DIP2C: variants seen among roughly 807,000 people sequenced by gnomAD.
DIP2C encodes DIP2 acetate--CoA ligase C (putative).
A neutral mutation model predicts 192.4 loss-of-function variants in DIP2C; 33 were observed. That is an observed-to-expected ratio of 0.17 (90% confidence interval 0.13 to 0.23). The LOEUF is 0.23. Among genes scored for constraint, DIP2C ranks in the 10% least tolerant of loss-of-function variants. The probability of loss-of-function intolerance (pLI) is 1.00; values close to 1 mark genes in which losing one functional copy is unlikely to be tolerated. For missense variants in DIP2C, 1,537 were observed against 2,110.1 expected (o/e 0.73, Z 5.32); for synonymous variants, 979 against 864.1 (o/e 1.13, Z -2.33).
intron 1 of DIP2C, chr10:664,346 T>C (rs955396077): frequency 2.0e-5 from 3 of 152,232 alleles, no homozygotes; most frequent in South Asian, 2.1e-4. Context: ...TTGGGGAGAT[T>C]CACCGAAATT....
intron 29 of DIP2C, among the ~76,000 whole-genome samples, chr10:339,232 CTTTT>C (rs1032911649): frequency 5.9e-5 from 9 of 151,780 alleles, no homozygotes; most frequent in African/African-American, 1.7e-4. Flanking sequence ...GACCCAAGTG[CTTTT>C]TTTGTTTTTT....
chr10:330,524 G>A (rs991798349), intron 29 of DIP2C, among the ~76,000 whole-genome samples: 2 of 152,102 alleles, frequency 1.3e-5, no homozygotes, highest in Admixed American at 6.5e-5. Context: ...TAACGGGAAC[G>A]TTCTGTTGCC....
chr10:582,940 T>C (rs966553657), intron 1 of DIP2C, among the ~76,000 whole-genome samples: 5 of 152,368 alleles, frequency 3.3e-5, no homozygotes, highest in African/African-American at 1.2e-4. Context: ...TATATTCAAG[T>C]GTTACCTCTT....
chr10:412,338 G>C (rs929149063), intron 8 of DIP2C, among the ~76,000 whole-genome samples: 5 of 152,188 alleles, frequency 3.3e-5, no homozygotes, highest in African/African-American at 1.2e-4. Flanking sequence ...GGAATTCCCC[G>C]CATGTAGGCG....
At chr10:518,236 A>C (rs1009048193) in intron 1 of DIP2C, among the ~76,000 whole-genome samples, 50 of 152,226 alleles carry the variant, frequency 3.3e-4, no homozygotes, top group African/African-American at 1.1e-3. Context: ...GCTTCTGGCA[A>C]CACCACCTGC....
chr10:444,299 G>A (rs1589809004), intron 3 of DIP2C, among the ~76,000 whole-genome samples: 1 of 149,028 alleles, frequency 6.7e-6, no homozygotes. Flanking sequence ...AGTGTTCCTT[G>A]GCACTGTTCC....
chr10:338,672 C>G (rs923105918), intron 29 of DIP2C, among the ~76,000 whole-genome samples: 1 of 152,166 alleles, frequency 6.6e-6, no homozygotes, highest in Admixed American at 6.5e-5. Flanking sequence ...AACGCCTGGC[C>G]GCACTGATTT....
chr10:574,163 G>A (rs1244578561), intron 1 of DIP2C, among the ~76,000 whole-genome samples: 3 of 152,106 alleles, frequency 2.0e-5, no homozygotes, highest in African/African-American at 4.8e-5. Flanking sequence ...TTTTTGCATC[G>A]ATAAAGACAT....
At chr10:473,836 T>A (rs979708477) in intron 2 of DIP2C, among the ~76,000 whole-genome samples, 5 of 152,230 alleles carry the variant, frequency 3.3e-5, no homozygotes, top group African/African-American at 1.2e-4. Context: ...TGGGCTCTTA[T>A]GAGAGTTGTA....
intron 3 of DIP2C, among the ~76,000 whole-genome samples, chr10:445,522 G>C (rs532731689): frequency 1.9e-4 from 29 of 151,464 alleles, no homozygotes; most frequent in African/African-American, 6.1e-4. Flanking sequence ...CTGGGCATCT[G>C]TATACATCTG....
Position 411,288 on chromosome 10 carries a change from A to C in DIP2C, c.1058-2271T>G, listed in dbSNP as rs183197681. On this transcript the variant is annotated intron_variant, in intron 8 of 36. Coordinates refer to ENST00000280886, the MANE Select transcript of DIP2C (RefSeq NM_014974.3). ...CTCCAGAAATCCACAGAGGAGGCAG[A>C]GGAAGAGCGTACCAGAGAGCTGCTG... 1.3e-3 allele frequency among the ~76,000 whole-genome samples: 202 copies of C among 152,376 alleles called. 1 individual carries two copies. The highest frequency in any genetic ancestry group is 6.8e-3 in the Middle Eastern group (2 of 294).
At chr10:616,942 G>A (rs1453356585) in intron 1 of DIP2C, among the ~76,000 whole-genome samples, 1 of 152,162 alleles carries the variant, frequency 6.6e-6, no homozygotes, top group Non-Finnish European at 1.5e-5. Flanking sequence ...AAATTCCATG[G>A]ACCACCAACC....
At chr10:390,198 G>C (rs973414483) in intron 12 of DIP2C, 66 bp downstream of exon 12, 3 of 1,591,066 alleles carry the variant, frequency 1.9e-6, no homozygotes, top group African/African-American at 2.7e-5. Flanking sequence ...TCGTGTAACC[G>C]TCAGAAACAC....
At chr10:555,424 T>C (rs1848799444) in intron 1 of DIP2C, among the ~76,000 whole-genome samples, 1 of 152,198 alleles carries the variant, frequency 6.6e-6, no homozygotes, top group African/African-American at 2.4e-5. Flanking sequence ...CGCTGGCTAC[T>C]ATGACAGAGC....
At chr10:347,860 G>C (rs71492997) in intron 26 of DIP2C, among the ~76,000 whole-genome samples, 1 of 53,700 alleles carries the variant, frequency 1.9e-5, no homozygotes, top group Non-Finnish European at 3.7e-5. Flanking sequence ...ACCCAGACGC[G>C]TCGCGCATAG....
Position 312,179 on chromosome 10 carries a change from T to C in DIP2C, c.3925-2087A>G, listed in dbSNP as rs12416122. Among the ~76,000 whole-genome samples the C allele has an allele frequency of 4.8e-3, 729 of 152,336 alleles. 17 individuals carry two copies. The highest frequency in any genetic ancestry group is 0.036 in the East Asian group (189 of 5,184). ...CACCCCAGCAAATGTGCTCTGTTGC[T>C]GTTCCCCAAACAGAGACACCAACTT... is the stretch of plus-strand genomic sequence containing the variant. On this transcript the variant is annotated intron_variant, in intron 31 of 36. Transcript: ENST00000280886.
At chr10:319,023 C>T (rs532927546) in intron 31 of DIP2C, among the ~76,000 whole-genome samples, 1 of 152,220 alleles carries the variant, frequency 6.6e-6, no homozygotes, top group East Asian at 1.9e-4. Context: ...GGCAATTCCC[C>T]TGCCTCAGCC....
chr10:521,119 T>C (rs531893007), intron 1 of DIP2C, among the ~76,000 whole-genome samples: 1 of 152,356 alleles, frequency 6.6e-6, no homozygotes, highest in Non-Finnish European at 1.5e-5. Context: ...AACGAGCATT[T>C]TCACAAATCT....
chr10:619,238 C>T (rs568382937), intron 1 of DIP2C, among the ~76,000 whole-genome samples: 36 of 152,320 alleles, frequency 2.4e-4, no homozygotes, highest in Non-Finnish European at 5.0e-4. Flanking sequence ...AGTTTTACTA[C>T]TTCTCTATTA....
Sources: allele counts gnomAD v4.1 joint callset (sites outside exome capture counted in the v4.1 genomes callset), GRCh38; gene constraint gnomAD v4.1.1; transcripts MANE v1.5; gene names NCBI Gene and HGNC (gene_info 2026-07-23, HGNC 2026-07-21).